The following AP1S3 variants were observed in gnomAD, a reference collection of about 807,000 sequenced individuals.
The protein encoded by AP1S3 is adaptor related protein complex 1 subunit sigma 3.
Under a neutral mutation model 20.9 loss-of-function variants are expected in AP1S3, and 10 were observed. The observed-to-expected ratio is 0.48, with a 90% CI of 0.29 to 0.81. The LOEUF is 0.81. AP1S3 is among the 30% of genes least tolerant of loss of function. The probability of loss-of-function intolerance (pLI) is 0.08; values close to 1 mark genes in which losing one functional copy is unlikely to be tolerated. For missense variants in AP1S3, 154 were observed against 183.8 expected (o/e 0.84, Z 0.94); for synonymous variants, 41 against 61.5 (o/e 0.67, Z 1.56).
chr2:223,792,478 G>A (rs1574706730), intron 1 of AP1S3, among the ~76,000 whole-genome samples: 1 of 151,940 alleles, frequency 6.6e-6, no homozygotes, highest in East Asian at 1.9e-4. Context: ...TTTATTAAAA[G>A]GATTCCCTAT....
intron 3 of AP1S3, among the ~76,000 whole-genome samples, chr2:223,774,537 C>T (rs1475923847): frequency 6.6e-6 from 1 of 151,626 alleles, no homozygotes; most frequent in Non-Finnish European, 1.5e-5. Context: ...GAATGCCACA[C>T]CTATATCTGG....
At chr2:223,796,205 AG>A (rs1306997707) in intron 1 of AP1S3, among the ~76,000 whole-genome samples, 2 of 152,180 alleles carry the variant, frequency 1.3e-5, no homozygotes, top group Non-Finnish European at 2.9e-5. Flanking sequence ...TAAATTATCC[AG>A]GGGCCAGCCC....
chr2:223,828,295 CTTTTTTTTTTT>C (rs775000674), intron 1 of AP1S3, among the ~76,000 whole-genome samples: 3 of 131,386 alleles, frequency 2.3e-5, no homozygotes, highest in African/African-American at 8.5e-5. Flanking sequence ...TCCTCTCTCT[CTTTTTTTTTTT>C]TTTTTTTTGA....
intron 1 of AP1S3, among the ~76,000 whole-genome samples, chr2:223,801,728 G>A (rs1691472198): frequency 6.6e-6 from 1 of 152,148 alleles, no homozygotes; most frequent in African/African-American, 2.4e-5. Context: ...ACAGGCGTGA[G>A]CCACTGCACC....
intron 4 of AP1S3, among the ~76,000 whole-genome samples, chr2:223,759,256 G>A (rs1427770606): frequency 6.6e-6 from 1 of 151,544 alleles, no homozygotes; most frequent in Non-Finnish European, 1.5e-5. Flanking sequence ...TCCAGCCTGG[G>A]TGACAGAGTG....
intron 1 of AP1S3, among the ~76,000 whole-genome samples, chr2:223,801,299 G>A (rs977443084): frequency 6.6e-6 from 1 of 152,182 alleles, no homozygotes; most frequent in Non-Finnish European, 1.5e-5. Context: ...GAAGGTTTCA[G>A]AGCTGGGCTT....
At chr2:223,785,765 G>A (rs1035703757) in intron 1 of AP1S3, among the ~76,000 whole-genome samples, 1 of 152,172 alleles carries the variant, frequency 6.6e-6, no homozygotes, top group Admixed American at 6.5e-5. Flanking sequence ...GGGGAGGGAT[G>A]AATAGGTGGA....
rs1690451249 is a variant in AP1S3 at position 223,765,335 on chromosome 2, T to C, written c.307A>G (p.Ile103Val). 6.2e-7 allele frequency: 1 copy of C among 1,612,992 alleles called. No individual in the cohort carries two copies. The highest frequency in any genetic ancestry group is 1.7e-5 in the Admixed American group (1 of 59,802). The change falls in exon 4 of 5, where the codon ATT becomes GTT. Residue 103 changes from isoleucine (I) to valine (V), a missense_variant. By Grantham distance (29) the Ile-to-Val change is conservative. Coordinates refer to ENST00000396654, the MANE Select transcript of AP1S3 (RefSeq NM_001039569.2). The part of the protein sequence containing the change: ...KYFGNVCELD[I>V]IFNFEKAYFI... ...TAAGCCTTTTCAAAATTAAAGATAATATCCAGCTCACAGACCTGGTGGGAC... is the reference window on the plus strand; with the variant it reads ...TAAGCCTTTTCAAAATTAAAGATAACATCCAGCTCACAGACCTGGTGGGAC...
At position 223,797,401 on chromosome 2, in the gene AP1S3, C is replaced by T. The variant is rs367937709; in HGVS notation, c.4-19532G>A. Among the ~76,000 whole-genome samples, 5 of 152,126 alleles carry T rather than the reference C, an allele frequency of 3.3e-5. No individual in the cohort carries two copies. The East Asian group carries it at 5.8e-4, about 18-fold the overall frequency. On this transcript the variant is annotated intron_variant, in intron 1 of 4. Transcript: ENST00000396654. ...GTTGCTAAGTCTTCAGATTTTTTTC[C>T]CAAAAGCCTGAAATCTGGATGATTA...
intron 4 of AP1S3, among the ~76,000 whole-genome samples, chr2:223,761,651 T>C (rs1690357803): frequency 6.6e-6 from 1 of 152,096 alleles, no homozygotes; most frequent in African/African-American, 2.4e-5. Context: ...GTCTCAAAAC[T>C]CCTGGGCTCA....
intron 4 of AP1S3, among the ~76,000 whole-genome samples, 191 bp from the exon 5 acceptor site, chr2:223,758,941 G>A (rs1321376083): frequency 1.3e-5 from 2 of 152,152 alleles, no homozygotes; most frequent in African/African-American, 4.8e-5. Flanking sequence ...ATATGGGGCT[G>A]GAATTAAGTA....
chr2:223,826,208 T>G (rs773163884), intron 1 of AP1S3, among the ~76,000 whole-genome samples: 2 of 152,156 alleles, frequency 1.3e-5, no homozygotes, highest in Admixed American at 1.3e-4. Context: ...TAGTCCTGTG[T>G]TGTGTTTCAA....
chr2:223,791,968 T>C (rs905385838), intron 1 of AP1S3, among the ~76,000 whole-genome samples: 2 of 150,998 alleles, frequency 1.3e-5, no homozygotes, highest in Non-Finnish European at 3.0e-5. Flanking sequence ...GGAATACAGC[T>C]AACAAAAACC....
intron 1 of AP1S3, 80 bp from the exon 2 acceptor site, chr2:223,777,949 T>C (rs1215804528): frequency 3.2e-6 from 4 of 1,261,280 alleles, no homozygotes; most frequent in African/African-American, 1.5e-5. Context: ...AATTCAATGA[T>C]GGATTTACAC....
intron 1 of AP1S3, among the ~76,000 whole-genome samples, chr2:223,782,156 G>C (rs1272345563): frequency 1.3e-5 from 2 of 151,918 alleles, no homozygotes; most frequent in Non-Finnish European, 2.9e-5. Flanking sequence ...GGGATTACAG[G>C]CGTCCATCAC....
chr2:223,763,808 T>A (rs1690416217), intron 4 of AP1S3, among the ~76,000 whole-genome samples: 1 of 152,216 alleles, frequency 6.6e-6, no homozygotes, highest in South Asian at 2.1e-4. Flanking sequence ...GTAATCAGCC[T>A]AAAGATGCAC....
At chr2:223,787,579 T>C (rs146855595) in intron 1 of AP1S3, among the ~76,000 whole-genome samples, 1 of 152,292 alleles carries the variant, frequency 6.6e-6, no homozygotes, top group East Asian at 1.9e-4. Flanking sequence ...GGTCTCCCCA[T>C]AGAATGCCTG....
At chr2:223,802,801 G>T (rs1372993434) in intron 1 of AP1S3, among the ~76,000 whole-genome samples, 1 of 152,086 alleles carries the variant, frequency 6.6e-6, no homozygotes, top group African/African-American at 2.4e-5. Context: ...ATGGTTCACA[G>T]TTCTCAAAAA....
intron 1 of AP1S3, among the ~76,000 whole-genome samples, chr2:223,783,568 G>A (rs781282569): frequency 1.3e-5 from 2 of 152,208 alleles, no homozygotes; most frequent in South Asian, 2.1e-4. Flanking sequence ...AGGGAAGCAC[G>A]AAGCGCAGCA....
Sources: gnomAD v4.1 joint callset for allele counts (sites outside exome capture counted in the v4.1 genomes callset) on GRCh38, gnomAD v4.1.1 for gene constraint, MANE v1.5 for transcripts, NCBI Gene and HGNC (gene_info 2026-07-23, HGNC 2026-07-21) for gene names.